MGMT: variants seen among roughly 807,000 people sequenced by gnomAD.
MGMT encodes the protein methylated-DNA--protein-cysteine methyltransferase.
Under a neutral mutation model 15.9 loss-of-function variants are expected in MGMT, and 14 were observed. That is an observed-to-expected ratio of 0.88 (90% CI 0.58 to 1.37). MGMT has a LOEUF of 1.37. Ranked by LOEUF, MGMT falls within the 40% of genes most tolerant of loss-of-function variation. The probability of loss-of-function intolerance (pLI) is 0.00; values close to 1 mark genes in which losing one functional copy is unlikely to be tolerated. For synonymous variants in MGMT, 130 were observed against 118.2 expected, an observed-to-expected ratio of 1.10 and a Z score of -0.65; for missense variants, 282 against 268.1, an observed-to-expected ratio of 1.05 and a Z score of -0.36.
chr10:129,593,782 C>T (rs563858822), intron 2 of MGMT, among the ~76,000 whole-genome samples: 40 of 152,270 alleles, frequency 2.6e-4, no homozygotes, highest in Non-Finnish European at 3.5e-4. Context: ...AGTATTGACA[C>T]CTTTCCTTAC....
intron 1 of MGMT, among the ~76,000 whole-genome samples, chr10:129,504,583 C>T (rs184696205): frequency 6.6e-6 from 1 of 152,294 alleles, no homozygotes; most frequent in Non-Finnish European, 1.5e-5. Context: ...ATGTCGATAG[C>T]TCCCACAACC....
chr10:129,614,295 T>C (rs970304285), intron 2 of MGMT, among the ~76,000 whole-genome samples: 1 of 152,166 alleles, frequency 6.6e-6, no homozygotes, highest in African/African-American at 2.4e-5. Flanking sequence ...TTTAAAAGCC[T>C]ATTTTCTTAG....
At chr10:129,671,930 A>G (rs987535930) in intron 2 of MGMT, among the ~76,000 whole-genome samples, 3 of 152,244 alleles carry the variant, frequency 2.0e-5, no homozygotes, top group Non-Finnish European at 2.9e-5. Context: ...AGCTGGCTAT[A>G]CAGAATTTAC....
chr10:129,621,539 G>A (rs1369492994), intron 2 of MGMT, among the ~76,000 whole-genome samples: 1 of 152,218 alleles, frequency 6.6e-6, no homozygotes, highest in Non-Finnish European at 1.5e-5. Flanking sequence ...TAATTGGAAA[G>A]GATGGGGAAC....
chr10:129,730,562 G>C (rs1158485558), intron 3 of MGMT, among the ~76,000 whole-genome samples: 1 of 152,166 alleles, frequency 6.6e-6, no homozygotes, highest in African/African-American at 2.4e-5. Flanking sequence ...GCAGACGCGA[G>C]GTTTGCAGGC....
chr10:129,623,830 T>C (rs758971874), intron 2 of MGMT, among the ~76,000 whole-genome samples: 12 of 152,194 alleles, frequency 7.9e-5, no homozygotes, highest in Non-Finnish European at 1.3e-4. Flanking sequence ...CTAATCTATA[T>C]AACCTTTCAA....
rs1169697564 is a variant in MGMT, at chr10:129,764,558, A to G, written c.415-2230A>G. Among the ~76,000 whole-genome samples, 5 of 152,358 alleles carry G rather than the reference A, an allele frequency of 3.3e-5. No individual in the cohort carries two copies. In the East Asian group the frequency reaches 7.7e-4, roughly 24 times the overall value. ...GCACACGCCCCCAGCTGCTTCCTCTAAAAGCTCACCTGACCAGTAGCTGGT... is the reference window on the plus strand; with the variant it reads ...GCACACGCCCCCAGCTGCTTCCTCTGAAAGCTCACCTGACCAGTAGCTGGT... On this transcript the variant is annotated intron_variant, in intron 4 of 4. Transcript: ENST00000651593.
At chr10:129,700,070 C>T (rs548708116) in intron 2 of MGMT, 2 of 152,196 alleles carry the variant, frequency 1.3e-5, no homozygotes, top group African/African-American at 4.8e-5. Flanking sequence ...ACATCTTGTT[C>T]TTGAGGTTGC....
intron 2 of MGMT, among the ~76,000 whole-genome samples, chr10:129,550,424 C>G (rs1357694181): frequency 6.7e-6 from 1 of 149,572 alleles, no homozygotes; most frequent in East Asian, 2.0e-4. Context: ...CCACCCAGCA[C>G]TGGAATGTTT....
At chr10:129,493,114 T>C (rs980901405) in intron 1 of MGMT, among the ~76,000 whole-genome samples, 1 of 152,216 alleles carries the variant, frequency 6.6e-6, no homozygotes, top group African/African-American at 2.4e-5. Context: ...TGGTTGATTA[T>C]TAATTTATAT....
intron 2 of MGMT, among the ~76,000 whole-genome samples, chr10:129,599,660 T>G (rs909521233): frequency 2.0e-5 from 3 of 152,202 alleles, no homozygotes; most frequent in Non-Finnish European, 4.4e-5. Flanking sequence ...AGTGCAGACA[T>G]ATGCTTGTAC....
chr10:129,634,199 A>G (rs1847241088), intron 2 of MGMT, among the ~76,000 whole-genome samples: 1 of 152,124 alleles, frequency 6.6e-6, no homozygotes, highest in South Asian at 2.1e-4. Context: ...CATTGTTTCC[A>G]TTAAGAATTC....
At position 129,685,730 on chromosome 10, in the gene MGMT, C is replaced by T. The variant is rs143750973; in HGVS notation, c.126-22165C>T. ...TCAAAGAAAGTCATGTAAATAAGAC[C>T]TAATCATTGCAAGAAGTCTAATGAA... On this transcript the variant is annotated intron_variant, in intron 2 of 4. Transcript: ENST00000651593. Among the ~76,000 whole-genome samples the T allele has an allele frequency of 5.3e-5, 8 of 152,296 alleles. No homozygotes were observed. In the South Asian group the frequency reaches 1.5e-3, roughly 28 times the overall value.
At chr10:129,697,737 G>A (rs1391803996) in intron 2 of MGMT, among the ~76,000 whole-genome samples, 1 of 152,172 alleles carries the variant, frequency 6.6e-6, no homozygotes, top group Non-Finnish European at 1.5e-5. Context: ...GCGCCATGTT[G>A]CCTGGAACTT....
chr10:129,529,341 G>A (rs1845905105), intron 1 of MGMT, among the ~76,000 whole-genome samples: 1 of 152,214 alleles, frequency 6.6e-6, no homozygotes, highest in East Asian at 1.9e-4. Context: ...GGAGTGGGGG[G>A]ATGGTTTGGG....
At chr10:129,517,340 C>T (rs781064975) in intron 1 of MGMT, among the ~76,000 whole-genome samples, 3 of 152,152 alleles carry the variant, frequency 2.0e-5, no homozygotes, top group Non-Finnish European at 4.4e-5. Flanking sequence ...GCACAGGCTC[C>T]CCAGAGCACA....
chr10:129,521,700 G>T (rs1239905716), intron 1 of MGMT, among the ~76,000 whole-genome samples: 2 of 152,172 alleles, frequency 1.3e-5, no homozygotes, highest in Non-Finnish European at 2.9e-5. Flanking sequence ...GGGTCAGGGG[G>T]TCTCCATCCG....
At chr10:129,664,288 A>G (rs186511325) in intron 2 of MGMT, among the ~76,000 whole-genome samples, 20 of 152,344 alleles carry the variant, frequency 1.3e-4, no homozygotes, top group Middle Eastern at 6.8e-3. Context: ...GGAAAACTAC[A>G]AATATTCTTC....
At chr10:129,648,625 G>T (rs968641475) in intron 2 of MGMT, among the ~76,000 whole-genome samples, 1 of 152,160 alleles carries the variant, frequency 6.6e-6, no homozygotes, top group Admixed American at 6.5e-5. Flanking sequence ...TAAAAGAAAT[G>T]ATTCTGACTT....
Sources: allele counts gnomAD v4.1 joint callset (sites outside exome capture counted in the v4.1 genomes callset), GRCh38; gene constraint gnomAD v4.1.1; transcripts MANE v1.5; gene names NCBI Gene and HGNC (gene_info 2026-07-23, HGNC 2026-07-21).